Variants in NUSAP1 observed in about 807,000 individuals in gnomAD.
NUSAP1 encodes nucleolar and spindle-associated protein 1.
A neutral mutation model predicts 52.8 loss-of-function variants in NUSAP1; 32 were observed. The ratio of observed to expected loss-of-function variants is 0.61; its 90% CI spans 0.46 to 0.81. The LOEUF is 0.81. Ranked by LOEUF, NUSAP1 falls within the 40% of genes least tolerant of loss-of-function variation. The pLI is 0.00. For missense variants in NUSAP1, 499 were observed against 522.3 expected, an observed-to-expected ratio of 0.96 and a Z score of 0.43; for synonymous variants, 195 against 183.1, an observed-to-expected ratio of 1.06 and a Z score of -0.52.
intron 6 of NUSAP1, among the ~76,000 whole-genome samples, chr15:41,364,550 A>T (rs1030239788): frequency 1.2e-4 from 18 of 151,348 alleles, no homozygotes; most frequent in African/African-American, 3.2e-4. Flanking sequence ...CGTCTCATTT[A>T]AAAAAAAAGA....
intron 1 of NUSAP1, among the ~76,000 whole-genome samples, chr15:41,338,230 C>T (rs1304461644): frequency 2.0e-5 from 3 of 152,016 alleles, no homozygotes; most frequent in Admixed American, 6.6e-5. Context: ...CCACTGCGTC[C>T]GGCCCATTCC....
In NUSAP1 at chr15:41,342,445, T is replaced by A. The variant is rs1483019001; in HGVS notation, c.153T>A (p.Asn51Lys). 3.8e-6 allele frequency: 6 copies of A among 1,587,334 alleles called. No homozygotes were observed. The highest frequency in any genetic ancestry group is 5.1e-6 in the Non-Finnish European group (6 of 1,165,706). Residue 51 changes from asparagine (N) to lysine (K), a missense_variant, in exon 2 of 11, where the codon AAT (asparagine) becomes AAA (lysine). Transcript: ENST00000559596. Reference sequence around the variant, plus strand: ...TTAAACATGAGGCAAGAAAAGGAAATGAGAATCAGGTGAGTAATGTTTTTC... The same window carrying A: ...TTAAACATGAGGCAAGAAAAGGAAAAGAGAATCAGGTGAGTAATGTTTTTC... The part of the protein sequence containing the change: ...GYIKHEARKG[N>K]ENQDESQTSA...
At chr15:41,378,466 C>T (rs2050063876) in intron 10 of NUSAP1, among the ~76,000 whole-genome samples, 2 of 152,144 alleles carry the variant, frequency 1.3e-5, no homozygotes, top group South Asian at 2.1e-4. Context: ...TGGCTATACA[C>T]GACTGCCACC....
chr15:41,354,754 C>T (rs2048901172), intron 4 of NUSAP1, among the ~76,000 whole-genome samples: 1 of 151,162 alleles, frequency 6.6e-6, no homozygotes, highest in South Asian at 2.1e-4. Context: ...CGCGGTGGCT[C>T]ACTCCTGTAA....
rs1189449452 is a variant in NUSAP1, at chr15:41,356,085, C to T, written c.495C>T (p.Tyr165=). Residue 165 remains tyrosine, a synonymous_variant, in exon 5 of 11, where the codon TAC becomes TAT. Transcript: ENST00000559596. The part of the protein sequence containing the change: ...KVPSEGKKSL[Y]TDESSKPGKN... ...CTTCAGAAGGAAAGAAATCTCTCTA[C>T]ACAGATGAGTCATCCAAACCTGGAA... The T allele has an allele frequency of 1.2e-6, 2 of 1,609,084 alleles. No homozygotes were observed. Among genetic ancestry groups the T allele is most frequent in the Non-Finnish European group, 1.7e-6 (2 of 1,177,542 alleles).
At chr15:41,335,505 G>A (rs1371708862) in intron 1 of NUSAP1, among the ~76,000 whole-genome samples, 1 of 135,698 alleles carries the variant, frequency 7.4e-6, no homozygotes, top group African/African-American at 2.7e-5. Context: ...TATATATTTA[G>A]TATAGATATA....
chr15:41,348,662 G>A (rs560800522), intron 2 of NUSAP1, among the ~76,000 whole-genome samples: 3 of 152,052 alleles, frequency 2.0e-5, no homozygotes, highest in Admixed American at 6.6e-5. Context: ...TTTTTGAGAC[G>A]GAGTTTCGTT....
At chr15:41,345,350 T>G (rs774107172) in intron 2 of NUSAP1, 9 of 336,254 alleles carry the variant, frequency 2.7e-5, no homozygotes, top group Non-Finnish European at 4.5e-5. Context: ...GGATCCACAT[T>G]TTTCTATTCT....
At chr15:41,336,049 C>T (rs958667179) in intron 1 of NUSAP1, among the ~76,000 whole-genome samples, 6 of 150,806 alleles carry the variant, frequency 4.0e-5, no homozygotes, top group African/African-American at 1.2e-4. Flanking sequence ...CACCTGAGGT[C>T]AGGAGTTTGA....
intron 8 of NUSAP1, among the ~76,000 whole-genome samples, chr15:41,372,271 G>A (rs543262147): frequency 3.7e-4 from 57 of 152,268 alleles, no homozygotes; most frequent in African/African-American, 1.3e-3. Context: ...GGATTCGGAG[G>A]ATGAGCACAG....
chr15:41,358,629 G>A (rs2049058440), intron 6 of NUSAP1, among the ~76,000 whole-genome samples: 1 of 152,166 alleles, frequency 6.6e-6, no homozygotes, highest in African/African-American at 2.4e-5. Flanking sequence ...CATCTACTCA[G>A]GAGGCTGAGG....
In NUSAP1 at chr15:41,380,269, CT is replaced by C; in HGVS notation, c.*86del. ...TTTTTTTTTTTTGCTGTCATCCCCA[CT>C]TTAGTCACGAGATCTTTTTCTGCTA... is the stretch of plus-strand genomic sequence containing the variant. On this transcript the variant is annotated 3_prime_UTR_variant, in exon 11 of 11. Transcript: ENST00000559596. 1.2e-6 allele frequency: 1 copy of C among 868,400 alleles called. No individual in the cohort carries two copies. The highest frequency in any genetic ancestry group is 1.8e-6 in the Non-Finnish European group (1 of 549,390). The allele number at this position is 868,400 out of a possible 1,614,324, so 53.8% of individuals were successfully genotyped here. A position where few individuals can be genotyped will look rare whatever the true frequency, so the allele number is the denominator to read the frequency against.
intron 1 of NUSAP1, among the ~76,000 whole-genome samples, chr15:41,339,846 A>T (rs1297686243): frequency 6.6e-6 from 1 of 151,814 alleles, no homozygotes; most frequent in South Asian, 2.1e-4. Flanking sequence ...CAGTGGTGCG[A>T]TTCCGGCTCA....
chr15:41,348,985 A>T, intron 2 of NUSAP1, 113 bp from the exon 3 acceptor site: 1 of 1,086,142 alleles, frequency 9.2e-7, no homozygotes, highest in Non-Finnish European at 1.3e-6. Flanking sequence ...AGAGAGTTTT[A>T]AATTTTTTCT....
At chr15:41,374,574 C>T (rs1486100535) in intron 8 of NUSAP1, among the ~76,000 whole-genome samples, 3 of 152,144 alleles carry the variant, frequency 2.0e-5, no homozygotes, top group Non-Finnish European at 4.4e-5. Context: ...TGTCGCCAGG[C>T]TGGAGTGCTG....
intron 6 of NUSAP1, 64 bp downstream of exon 6, chr15:41,358,322 T>C (rs2140702455): frequency 1.3e-6 from 1 of 763,004 alleles, no homozygotes; most frequent in Non-Finnish European, 2.2e-6. Flanking sequence ...TGAAACTATA[T>C]AACACCGTGG....
intron 7 of NUSAP1, among the ~76,000 whole-genome samples, chr15:41,370,264 C>A (rs1464233197): frequency 6.7e-6 from 1 of 150,256 alleles, no homozygotes; most frequent in Non-Finnish European, 1.5e-5. Context: ...CGCCTATAGT[C>A]CCAGCTACTT....
At position 41,351,101 on chromosome 15, in the gene NUSAP1, C is replaced by G. The variant is rs1458664805; in HGVS notation, c.420C>G (p.His140Gln). ...TAKVPSPPDE[H>Q]QEAENAVSSG... ...AAGTTCCTTCTCCACCAGACGAGCA[C>G]CAAGAAGCTGAGAATGCTGTTTCCT... The change falls in exon 4 of 11, where the codon CAC (histidine) becomes CAG (glutamine). Residue 140 changes from histidine to glutamine, a missense_variant. His to Gln is a conservative substitution (Grantham distance 24, BLOSUM62 0). Coordinates refer to ENST00000559596, the MANE Select transcript of NUSAP1 (RefSeq NM_016359.5). The G allele has an allele frequency of 6.2e-7, 1 of 1,613,202 alleles. No homozygotes were observed. Among genetic ancestry groups the G allele is most frequent in the Admixed American group, 1.7e-5 (1 of 59,832 alleles).
chr15:41,377,887 G>C (rs1360348397), intron 10 of NUSAP1, among the ~76,000 whole-genome samples: 1 of 151,542 alleles, frequency 6.6e-6, no homozygotes, highest in Non-Finnish European at 1.5e-5. Context: ...TGTAGTCCCA[G>C]CTACTCGGGA....
Sources: allele counts gnomAD v4.1 joint callset (sites outside exome capture counted in the v4.1 genomes callset), GRCh38; gene constraint gnomAD v4.1.1; transcripts MANE v1.5; gene names NCBI Gene and HGNC (gene_info 2026-07-23, HGNC 2026-07-21).